Variants in FAM161A observed in about 807,000 individuals in gnomAD.
FAM161A encodes FAM161 centrosomal protein A.
FAM161A carries 57 observed loss-of-function variants against 70.9 expected under a neutral mutation model. The ratio of observed to expected loss-of-function variants is 0.80; its 90% CI spans 0.65 to 1.00. The LOEUF is 1.00. Among genes scored for constraint, FAM161A ranks in the 50% least tolerant of loss-of-function variants. The probability of loss-of-function intolerance (pLI) is 0.00; values close to 1 mark genes in which losing one functional copy is unlikely to be tolerated. For missense variants in FAM161A, 880 were observed against 836.0 expected (o/e 1.05, Z -0.65); for synonymous variants, 299 against 295.7 (o/e 1.01, Z -0.12).
intron 1 of FAM161A, among the ~76,000 whole-genome samples, chr2:61,847,855 G>A (rs977419247): frequency 6.6e-6 from 1 of 152,038 alleles, no homozygotes; most frequent in Non-Finnish European, 1.5e-5. Flanking sequence ...AAAGTACCTG[G>A]CTAATGGCAG....
chr2:61,812,426 C>T, the FAM161A span, among the ~76,000 whole-genome samples: 1 of 152,152 alleles, frequency 6.6e-6, no homozygotes. Context: ...TCCAATAAAA[C>T]ATTCCATACT....
the FAM161A span, among the ~76,000 whole-genome samples, chr2:61,812,476 C>G: frequency 6.6e-6 from 1 of 152,084 alleles, no homozygotes; most frequent in African/African-American, 2.4e-5. Flanking sequence ...AATCCCAGCA[C>G]TTTGGGAGGC....
At position 61,825,099 on chromosome 2, in the gene FAM161A, T is replaced by C. The variant is rs1558471606; in HGVS notation, c.*1356A>G. 2 of 453,784 alleles carry C rather than the reference T, an allele frequency of 4.4e-6. No individual in the cohort carries two copies. Among genetic ancestry groups the C allele is most frequent in the Non-Finnish European group, 4.4e-6 (1 of 226,674 alleles). 28.1% of individuals were successfully genotyped at this position (453,784 alleles called of 1,614,324 possible). A position where few individuals can be genotyped will look rare whatever the true frequency, so the allele number is the denominator to read the frequency against. On this transcript the variant is annotated 3_prime_UTR_variant, in exon 7 of 7. Transcript: ENST00000404929. ...TAAATTGCCAGTTTGGAAACACTGCTATTACATACACCTGTATTAGTTCAT... is the reference window on the plus strand; with the variant it reads ...TAAATTGCCAGTTTGGAAACACTGCCATTACATACACCTGTATTAGTTCAT...
the FAM161A span, among the ~76,000 whole-genome samples, chr2:61,807,452 A>C: frequency 0.099 from 15,045 of 151,768 alleles, 1,205 homozygotes; most frequent in East Asian, 0.36. Flanking sequence ...TGTTTGTTGT[A>C]TGTCTCTTCT....
chr2:61,804,591 A>G, the FAM161A span, among the ~76,000 whole-genome samples: 2 of 151,898 alleles, frequency 1.3e-5, no homozygotes, highest in African/African-American at 4.8e-5. Context: ...AGGCTGAGGC[A>G]GGAGAATTGT....
At chr2:61,814,886 C>T in the FAM161A span, among the ~76,000 whole-genome samples, 3 of 152,156 alleles carry the variant, frequency 2.0e-5, no homozygotes, top group Admixed American at 2.0e-4. Context: ...GGCTAAATCC[C>T]CTTCTTAAGA....
chr2:61,836,055 T>C lies in FAM161A; in HGVS notation c.1806A>G (p.Glu602=). Residue 602 remains glutamate (E), a synonymous_variant, in exon 5 of 7, where the codon GAA becomes GAG. Coordinates refer to ENST00000404929, the MANE Select transcript of FAM161A (RefSeq NM_001201543.2). ...REYQRELEER[E]EKLKKRPLLF... is the part of the protein sequence containing the mutation. ...GCAGTGGCCTCTTTTTTAATTTTTC[T>C]TCTCTTTCTTCTAGTTCTCGTTGGT... is the stretch of plus-strand genomic sequence containing the variant. 6.2e-7 allele frequency: 1 copy of C among 1,612,022 alleles called. No homozygotes were observed. Among genetic ancestry groups the C allele is most frequent in the Non-Finnish European group, 8.5e-7 (1 of 1,179,408 alleles).
the FAM161A span, among the ~76,000 whole-genome samples, chr2:61,812,172 C>T: frequency 6.6e-6 from 1 of 152,100 alleles, no homozygotes; most frequent in Non-Finnish European, 1.5e-5. Context: ...CACCCCTTTA[C>T]CTTGCTTTAT....
chr2:61,811,815 C>T, the FAM161A span, among the ~76,000 whole-genome samples: 1 of 152,120 alleles, frequency 6.6e-6, no homozygotes, highest in East Asian at 1.9e-4. Context: ...CCAGAGTGAC[C>T]ATTTAAAACC....
At chr2:61,845,926 T>TA (rs925661928) in intron 1 of FAM161A, among the ~76,000 whole-genome samples, 32 of 151,812 alleles carry the variant, frequency 2.1e-4, no homozygotes, top group African/African-American at 7.7e-4. Context: ...CCTTCTCTAC[T>TA]AAAAATACAA....
chr2:61,833,871 A>C (rs1672675494), intron 5 of FAM161A, among the ~76,000 whole-genome samples: 1 of 152,112 alleles, frequency 6.6e-6, no homozygotes, highest in African/African-American at 2.4e-5. Context: ...CTCTACAAAA[A>C]ATAAAATTAG....
chr2:61,812,258 A>G, the FAM161A span, among the ~76,000 whole-genome samples: 3 of 152,214 alleles, frequency 2.0e-5, no homozygotes, highest in Non-Finnish European at 4.4e-5. Context: ...TGTAAGTTTT[A>G]TGAGAATAGG....
the FAM161A span, among the ~76,000 whole-genome samples, chr2:61,809,994 C>G: frequency 6.6e-6 from 1 of 152,170 alleles, no homozygotes; most frequent in African/African-American, 2.4e-5. Context: ...CATCTTAAAC[C>G]TTCCAGCCCC....
the FAM161A span, among the ~76,000 whole-genome samples, chr2:61,810,791 C>A: frequency 6.6e-6 from 1 of 152,002 alleles, no homozygotes; most frequent in East Asian, 1.9e-4. Flanking sequence ...TGCTGTGCAG[C>A]CAAGCTGAAC....
chr2:61,815,417 G>C, the FAM161A span, among the ~76,000 whole-genome samples: 3 of 151,944 alleles, frequency 2.0e-5, no homozygotes, highest in Non-Finnish European at 4.4e-5. Flanking sequence ...CTAATGTCCT[G>C]ATGGCCAACT....
At chr2:61,800,919 T>G in the FAM161A span, among the ~76,000 whole-genome samples, 3 of 152,192 alleles carry the variant, frequency 2.0e-5, no homozygotes, top group South Asian at 2.1e-4. Flanking sequence ...TTCTCCTGCC[T>G]CAGCCTCCCA....
At chr2:61,844,203 T>C (rs17014577) in intron 1 of FAM161A, among the ~76,000 whole-genome samples, 25,439 of 152,148 alleles carry the variant, frequency 0.17, 2,322 homozygotes, top group African/African-American at 0.22. Context: ...AACAACTCTA[T>C]GAATCAGAGA....
the FAM161A span, among the ~76,000 whole-genome samples, chr2:61,804,276 G>T: frequency 6.6e-6 from 1 of 152,192 alleles, no homozygotes; most frequent in African/African-American, 2.4e-5. Context: ...TATCAGCAAG[G>T]TCTTTATGAC....
At chr2:61,849,647 T>G (rs1257690614) in intron 1 of FAM161A, among the ~76,000 whole-genome samples, 1 of 151,510 alleles carries the variant, frequency 6.6e-6, no homozygotes, top group African/African-American at 2.4e-5. Context: ...TAGCTAGGTG[T>G]GGTGGTGTGC....
Sources: gnomAD v4.1 joint callset for allele counts (sites outside exome capture counted in the v4.1 genomes callset) on GRCh38, gnomAD v4.1.1 for gene constraint, MANE v1.5 for transcripts, NCBI Gene and HGNC (gene_info 2026-07-23, HGNC 2026-07-21) for gene names.